GLRA2: variants seen among roughly 807,000 people sequenced by gnomAD.
GLRA2 encodes glycine receptor alpha 2.
Under a neutral mutation model 31.6 loss-of-function variants are expected in GLRA2, and 11 were observed. The observed-to-expected ratio is 0.35, with a 90% CI of 0.22 to 0.58. The LOEUF (loss-of-function observed/expected upper bound fraction) is 0.58. GLRA2 is among the 20% of genes least tolerant of loss of function. The pLI, the probability that GLRA2 is intolerant of heterozygous loss-of-function variation, is 0.84. For missense variants in GLRA2, 212 were observed against 351.8 expected (o/e 0.60, Z 3.18); for synonymous variants, 132 against 134.0 (o/e 0.99, Z 0.10).
Position 14,604,543 on chromosome X carries a change from A to AGTGT in GLRA2, c.577+193_577+196dup, listed in dbSNP as rs377121617. 774 of 161,246 alleles carry AGTGT rather than the reference A, an allele frequency of 4.8e-3. 7 individuals are homozygous for AGTGT. The highest frequency in any genetic ancestry group is 0.012 in the East Asian group (82 of 7,055). The allele number at this position is 161,246 out of a possible 1,213,427, so 13.3% of individuals were successfully genotyped here. On this transcript the variant is annotated intron_variant, in intron 5 of 8. Coordinates refer to ENST00000218075, the MANE Select transcript of GLRA2 (RefSeq NM_002063.4). ...ACATCCTAATGGAAAGACAAACCAA[A>AGTGT]GTGTGTGTGTGTGTGTGTGTGTGTG...
At chrX:14,720,938 C>T (rs2091856389) in intron 8 of GLRA2, among the ~76,000 whole-genome samples, 1 of 109,375 alleles carries the variant, frequency 9.1e-6, no homozygotes, top group Non-Finnish European at 1.9e-5. Flanking sequence ...TTGGGACCAG[C>T]CTGGACAATA....
intron 3 of GLRA2, among the ~76,000 whole-genome samples, 164 bp from the exon 4 acceptor site, chrX:14,581,019 C>T (rs2074209): frequency 0.011 from 1,229 of 110,167 alleles, 26 homozygotes; most frequent in African/African-American, 0.038. Flanking sequence ...CCTTTTGTCC[C>T]CTCTCCTAAT....
intron 7 of GLRA2, among the ~76,000 whole-genome samples, chrX:14,640,200 T>C (rs1050275753): frequency 9.0e-6 from 1 of 111,294 alleles, no homozygotes; most frequent in African/African-American, 3.3e-5. Context: ...TGCCAAGAGA[T>C]AGGCAATATA....
chrX:14,450,086 C>G, the GLRA2 span, among the ~76,000 whole-genome samples: 8 of 111,696 alleles, frequency 7.2e-5, no homozygotes, highest in African/African-American at 2.3e-4. Context: ...GAGGCAGATG[C>G]CAGAGAGAGA....
intron 7 of GLRA2, among the ~76,000 whole-genome samples, chrX:14,684,394 A>C (rs1480023494): frequency 2.7e-5 from 3 of 111,702 alleles, no homozygotes; most frequent in Non-Finnish European, 5.6e-5. Context: ...TTGAATCTAT[A>C]AATTACCTTG....
At chrX:14,708,089 C>T (rs764962893) in intron 8 of GLRA2, among the ~76,000 whole-genome samples, 4 of 110,700 alleles carry the variant, frequency 3.6e-5, no homozygotes, top group African/African-American at 1.3e-4. Flanking sequence ...TAACTATAGT[C>T]ACATTGTTGT....
At chrX:14,570,593 G>C (rs1232003500) in intron 2 of GLRA2, among the ~76,000 whole-genome samples, 1 of 111,670 alleles carries the variant, frequency 9.0e-6, no homozygotes, top group Non-Finnish European at 1.9e-5. Context: ...TGCTGATGCT[G>C]CTGGTCCTCA....
chrX:14,624,014 G>A (rs929474577), intron 7 of GLRA2, among the ~76,000 whole-genome samples: 2 of 110,753 alleles, frequency 1.8e-5, no homozygotes, highest in East Asian at 2.9e-4. Context: ...TCATTGCCTC[G>A]ATTTCAGAGC....
At chrX:14,512,583 C>A in the GLRA2 span, among the ~76,000 whole-genome samples, 9 of 111,619 alleles carry the variant, frequency 8.1e-5, no homozygotes, top group Non-Finnish European at 1.7e-4. Context: ...TTTCAGGATA[C>A]AAAATTAATG....
At chrX:14,572,845 GA>G (rs1315170702) in intron 2 of GLRA2, among the ~76,000 whole-genome samples, 3 of 111,902 alleles carry the variant, frequency 2.7e-5, no homozygotes, top group Non-Finnish European at 5.6e-5. Context: ...TGAAAGAAGA[GA>G]AAAACACATT....
chrX:14,532,389 C>T lies in GLRA2; in HGVS notation c.202+17C>T, dbSNP rs747984506. 1 of 1,114,843 alleles carries T rather than the reference C, an allele frequency of 9.0e-7. No homozygotes were observed. Among genetic ancestry groups the T allele is most frequent in the African/African-American group, 1.8e-5 (1 of 55,221 alleles). 91.9% of individuals were successfully genotyped at this position (1,114,843 alleles called of 1,213,427 possible). Reference sequence around the variant, plus strand: ...ATTTTAAAGGTAGGTTCCACTTAAACTTACGTTAAGCCTTTGAGAAATCTT... The same window carrying T: ...ATTTTAAAGGTAGGTTCCACTTAAATTTACGTTAAGCCTTTGAGAAATCTT... On this transcript the variant is annotated intron_variant, in intron 2 of 8. Coordinates refer to ENST00000218075, the MANE Select transcript of GLRA2 (RefSeq NM_002063.4).
chrX:14,476,913 G>A, the GLRA2 span, among the ~76,000 whole-genome samples: 6 of 112,000 alleles, frequency 5.4e-5, no homozygotes, highest in East Asian at 1.7e-3. Flanking sequence ...TGAAGAAAGA[G>A]GAAGGAAGAC....
intron 2 of GLRA2, among the ~76,000 whole-genome samples, chrX:14,560,217 C>T (rs1205568546): frequency 2.7e-5 from 3 of 112,394 alleles, no homozygotes; most frequent in African/African-American, 9.7e-5. Flanking sequence ...CTATTCCCAT[C>T]CAAGGGCCAC....
At chrX:14,460,565 T>G in the GLRA2 span, among the ~76,000 whole-genome samples, 13 of 111,491 alleles carry the variant, frequency 1.2e-4, no homozygotes, top group African/African-American at 4.2e-4. Flanking sequence ...TATTGATCTA[T>G]TCAGGGATTG....
intron 7 of GLRA2, among the ~76,000 whole-genome samples, chrX:14,623,358 T>C (rs1415236312): frequency 9.0e-6 from 1 of 111,465 alleles, no homozygotes; most frequent in Non-Finnish European, 1.9e-5. Flanking sequence ...TCCTGCCTGA[T>C]TGCCCTAGCC....
chrX:14,499,399 A>G, the GLRA2 span, among the ~76,000 whole-genome samples: 1 of 110,937 alleles, frequency 9.0e-6, no homozygotes, highest in Admixed American at 9.6e-5. Context: ...GGCCATTTGT[A>G]TGTCTTCTTT....
chrX:14,568,415 G>A (rs1236006604), intron 2 of GLRA2, among the ~76,000 whole-genome samples: 2 of 111,592 alleles, frequency 1.8e-5, no homozygotes, highest in Non-Finnish European at 3.8e-5. Context: ...GGACTCAGCC[G>A]GGCATGGTGG....
chrX:14,510,064 T>C, the GLRA2 span, among the ~76,000 whole-genome samples: 1 of 111,454 alleles, frequency 9.0e-6, no homozygotes, highest in African/African-American at 3.3e-5. Context: ...ATGGACCCAA[T>C]AGGGTAAATT....
intron 4 of GLRA2, among the ~76,000 whole-genome samples, chrX:14,585,441 G>A (rs184985593): frequency 4.5e-5 from 5 of 111,803 alleles, no homozygotes; most frequent in African/African-American, 1.6e-4. Flanking sequence ...TCAGAATTTG[G>A]CAGTTGGCAT....
Sources: allele counts gnomAD v4.1 joint callset (sites outside exome capture counted in the v4.1 genomes callset), GRCh38; gene constraint gnomAD v4.1.1; transcripts MANE v1.5; gene names NCBI Gene and HGNC (gene_info 2026-07-23, HGNC 2026-07-21).